The following CTBP2 variants were observed in gnomAD, a reference collection of about 807,000 sequenced individuals.
The protein encoded by CTBP2 is C-terminal-binding protein 2.
In CTBP2, 30 loss-of-function variants were observed where a neutral mutation model predicts 80.3. That is an observed-to-expected ratio of 0.37 (90% CI 0.28 to 0.51). The LOEUF is 0.51. CTBP2 is among the 20% of genes least tolerant of loss of function. CTBP2 has a pLI of 0.93. For missense variants in CTBP2, 1,212 were observed against 1,375.3 expected (o/e 0.88, Z 1.88); for synonymous variants, 594 against 587.4 (o/e 1.01, Z -0.16).
At chr10:125,054,808 T>C (rs1963536989) in intron 2 of CTBP2, among the ~76,000 whole-genome samples, 1 of 152,136 alleles carries the variant, frequency 6.6e-6, no homozygotes, top group South Asian at 2.1e-4. Context: ...AGCGAAACCC[T>C]CTAAATCCTC....
chr10:125,006,249 G>C (rs1955226245), intron 1 of CTBP2, among the ~76,000 whole-genome samples: 1 of 150,656 alleles, frequency 6.6e-6, no homozygotes. Context: ...GGCGGGAAAA[G>C]AGAAAAGCCA....
intron 2 of CTBP2, among the ~76,000 whole-genome samples, chr10:125,071,632 C>T (rs566443730): frequency 9.5e-4 from 145 of 152,218 alleles, no homozygotes; most frequent in African/African-American, 3.1e-3. Flanking sequence ...TGGACCAGTC[C>T]GCCAGGTTTT....
At chr10:125,149,027 C>T (rs1387823030) in intron 1 of CTBP2, among the ~76,000 whole-genome samples, 1 of 152,134 alleles carries the variant, frequency 6.6e-6, no homozygotes, top group Admixed American at 6.5e-5. Context: ...CTCAGAGCTG[C>T]GGCAGGTCCA....
intron 2 of CTBP2, among the ~76,000 whole-genome samples, chr10:125,083,246 T>A (rs1396937226): frequency 6.6e-6 from 1 of 152,188 alleles, no homozygotes; most frequent in Admixed American, 6.5e-5. Flanking sequence ...CTCAACATAC[T>A]TTCCAAAGCT....
rs1338663927 is a variant in CTBP2, at chr10:125,103,614, G to A, written c.-102+7376C>T. Among the ~76,000 whole-genome samples, 7 of 152,276 alleles carry A rather than the reference G, an allele frequency of 4.6e-5. No homozygotes were observed. In the South Asian group the frequency reaches 1.5e-3, roughly 32 times the overall value. On this transcript the variant is annotated intron_variant, in intron 2 of 10. Transcript: ENST00000337195. ...AGGAAAGCCAACCCCAGGAGGTACAGACGCTTCTGCGACATGCAGAAGAGA... is the reference window on the plus strand; with the variant it reads ...AGGAAAGCCAACCCCAGGAGGTACAAACGCTTCTGCGACATGCAGAAGAGA...
rs114403294 is a variant in CTBP2, at chr10:125,116,543, C to A, written c.-205-5450G>T. On this transcript the variant is annotated intron_variant, in intron 1 of 10. Coordinates refer to the CTBP2 transcript ENST00000337195. Reference sequence around the variant, plus strand: ...ACAGAAGCCGAGCTGTATCAGAAGCCGAGCTAAAGCCACAGCCCTGGGGAT... The same window carrying A: ...ACAGAAGCCGAGCTGTATCAGAAGCAGAGCTAAAGCCACAGCCCTGGGGAT... Among the ~76,000 whole-genome samples the A allele has an allele frequency of 3.5e-3, 531 of 152,260 alleles. 4 individuals are homozygous for A. Among genetic ancestry groups the A allele is most frequent in the African/African-American group, 0.012 (499 of 41,540 alleles).
intron 1 of CTBP2, among the ~76,000 whole-genome samples, chr10:125,156,564 C>A (rs549696415): frequency 1.4e-4 from 21 of 152,176 alleles, no homozygotes; most frequent in Admixed American, 1.4e-3. Context: ...TTTTTTCAAT[C>A]CGTGAATCTC....
At chr10:125,003,149 C>T in intron 2 of CTBP2, 45 bp from the exon 5 acceptor site, 1 of 1,610,438 alleles carries the variant, frequency 6.2e-7, no homozygotes, top group Non-Finnish European at 8.5e-7. Flanking sequence ...CCCCGTGCAG[C>T]CCACCGGCAC....
chr10:125,072,045 CT>C (rs1845564467), intron 2 of CTBP2, among the ~76,000 whole-genome samples: 2 of 152,128 alleles, frequency 1.3e-5, no homozygotes, highest in Non-Finnish European at 2.9e-5. Context: ...TGGACATGGG[CT>C]TTTCTGGCCA....
At chr10:125,034,131 G>A (rs2134869180) in intron 3 of CTBP2, among the ~76,000 whole-genome samples, 1 of 152,340 alleles carries the variant, frequency 6.6e-6, no homozygotes, top group South Asian at 2.1e-4. Flanking sequence ...AGACGCTTAT[G>A]TTTGTGCTTG....
At chr10:124,993,441 T>C in intron 6 of CTBP2, 112 bp from the exon 9 acceptor site, 1 of 1,178,170 alleles carries the variant, frequency 8.5e-7, no homozygotes, top group Non-Finnish European at 1.2e-6. Flanking sequence ...ATAGATAGCA[T>C]GGATACAGGA....
At chr10:125,131,561 G>A (rs114587169) in intron 1 of CTBP2, among the ~76,000 whole-genome samples, 1 of 152,190 alleles carries the variant, frequency 6.6e-6, no homozygotes, top group Non-Finnish European at 1.5e-5. Context: ...TGTAGGACAG[G>A]GAGGGGGCAG....
At position 124,988,959 on chromosome 10, in the gene CTBP2, ATG is replaced by A. The variant is rs1163708205; in HGVS notation, c.*557_*558del. The A allele has an allele frequency of 6.6e-6, 1 of 152,412 alleles. No individual in the cohort carries two copies. Among genetic ancestry groups the A allele is most frequent in the African/African-American group, 2.4e-5 (1 of 41,032 alleles). The allele number at this position is 152,412 out of a possible 1,614,324, so 9.4% of individuals were successfully genotyped here. On this transcript the variant is annotated 3_prime_UTR_variant, in exon 9 of 9. Transcript: ENST00000309035. Reference sequence around the variant, plus strand: ...CTTGCCCGCTCAGTATGCAGTTCAGATGTGAGAGGCGCTTCTCTGTACAGCAG... The same window carrying A: ...CTTGCCCGCTCAGTATGCAGTTCAGATGAGAGGCGCTTCTCTGTACAGCAG...
upstream of CTBP2, chr10:125,032,966 A>C (rs1246458516): frequency 6.5e-6 from 1 of 153,978 alleles, no homozygotes; most frequent in African/African-American, 2.4e-5. Flanking sequence ...GACCTGCTCC[A>C]CCTGAGCCTG....
intron 3 of CTBP2, 54 bp downstream of exon 5, chr10:125,002,906 A>G (rs1237092857): frequency 2.5e-6 from 4 of 1,597,592 alleles, no homozygotes; most frequent in South Asian, 1.1e-5. Context: ...CCACCCGAGC[A>G]GGGCCCACAG....
rs888857583 is a variant in CTBP2, at chr10:125,034,830, G to A, written c.58+4167C>T. On this transcript the variant is annotated intron_variant, in intron 3 of 10. Transcript: ENST00000337195. ...CATTTGTCAACACTCTGTGGATTAT[G>A]TTCTTTCCTCGGGGAAAGAGAAAGT... 2.0e-5 allele frequency among the ~76,000 whole-genome samples: 3 copies of A among 152,192 alleles called. No individual in the cohort carries two copies. In the East Asian group the frequency reaches 5.8e-4, roughly 29 times the overall value.
chr10:125,063,580 A>G (rs1338152911), intron 2 of CTBP2, among the ~76,000 whole-genome samples: 1 of 152,240 alleles, frequency 6.6e-6, no homozygotes, highest in Non-Finnish European at 1.5e-5. Flanking sequence ...GCTCCCCTAC[A>G]GTAGTAAAAA....
chr10:125,099,293 T>TGTGCCACACACATA (rs1439006662), intron 2 of CTBP2, among the ~76,000 whole-genome samples: 4 of 152,242 alleles, frequency 2.6e-5, no homozygotes, highest in African/African-American at 9.6e-5. Context: ...CTTGTAAGGC[T>TGTGCCACACACATA]GTGCCACACA....
intron 2 of CTBP2, among the ~76,000 whole-genome samples, chr10:125,067,409 T>C (rs774941022): frequency 1.1e-4 from 16 of 152,238 alleles, no homozygotes; most frequent in Non-Finnish European, 1.6e-4. Context: ...AATGTATTGA[T>C]AATTGGTTCA....
Sources: gnomAD v4.1 joint callset for allele counts (sites outside exome capture counted in the v4.1 genomes callset) on GRCh38, gnomAD v4.1.1 for gene constraint, MANE v1.5 for transcripts, NCBI Gene and HGNC (gene_info 2026-07-23, HGNC 2026-07-21) for gene names.